The following NBAS variants were observed in gnomAD, a reference collection of about 807,000 sequenced individuals.
NBAS encodes the protein NBAS subunit of NRZ tethering complex.
NBAS carries 219 observed loss-of-function variants against 302.5 expected under a neutral mutation model. The observed-to-expected ratio is 0.72, with a 90% confidence interval of 0.65 to 0.81. The LOEUF (loss-of-function observed/expected upper bound fraction) is 0.81. Among genes scored for constraint, NBAS ranks in the 30% least tolerant of loss-of-function variants. The probability of loss-of-function intolerance (pLI) is 0.00; values close to 1 mark genes in which losing one functional copy is unlikely to be tolerated. For missense variants in NBAS, 2,932 were observed against 2,841.6 expected (o/e 1.03, Z -0.72); for synonymous variants, 1,118 against 1,021.6 (o/e 1.09, Z -1.80).
chr2:15,429,441 A>G (rs1434073005), intron 21 of NBAS, among the ~76,000 whole-genome samples: 1 of 152,214 alleles, frequency 6.6e-6, no homozygotes, highest in East Asian at 1.9e-4. Flanking sequence ...AGGTTATACA[A>G]CACACTTTGC....
the NBAS span, among the ~76,000 whole-genome samples, chr2:14,971,596 C>T: frequency 1.2e-3 from 187 of 152,250 alleles, no homozygotes; most frequent in African/African-American, 4.2e-3. Flanking sequence ...TTTCTTCCAC[C>T]ACCACCATCA....
Position 15,366,615 on chromosome 2 carries a change from T to C in NBAS, c.3782A>G (p.Lys1261Arg), listed in dbSNP as rs1214113823. ...CAGCAGCTCAGCAAGGCCCAGAAGC[T>C]TGGTGGATTGTTTATAGCATGTGGG... ...QSPTCYKQST[K>R]LLGLAELLRV... Residue 1261 changes from lysine to arginine, a missense_variant, in exon 32 of 52, where the codon AAG becomes AGG. Physicochemically the swap from Lys to Arg is conservative, Grantham distance 26. Transcript: ENST00000281513. The C allele has an allele frequency of 1.2e-6, 2 of 1,614,038 alleles. No individual in the cohort carries two copies. The highest frequency in any genetic ancestry group is 2.2e-5 in the East Asian group (1 of 44,864).
intron 2 of NBAS, among the ~76,000 whole-genome samples, chr2:15,557,266 C>CT (rs1664687739): frequency 6.6e-6 from 1 of 152,174 alleles, no homozygotes; most frequent in East Asian, 1.9e-4. Context: ...AACAAAACCT[C>CT]TAACACGCTA....
At chr2:15,440,509 A>T (rs1159679532) in intron 21 of NBAS, among the ~76,000 whole-genome samples, 2 of 152,216 alleles carry the variant, frequency 1.3e-5, no homozygotes, top group African/African-American at 2.4e-5. Context: ...ACCCATCTGT[A>T]CATCACCATC....
In NBAS at chr2:15,167,247, G is replaced by C; in HGVS notation, c.6917C>G (p.Thr2306Ser). Residue 2306 changes from threonine to serine, a missense_variant, in exon 52 of 52, where the codon ACT (threonine) becomes AGT (serine). Coordinates refer to ENST00000281513, the MANE Select transcript of NBAS (RefSeq NM_015909.4). ...GTCAACAATACGTGGATAGAAGGGA[G>C]TGGAGACACACTTCACCAGCAGCTT... ...DAKLLVKCVS[T>S]PFYPRIVDHL... is the part of the protein sequence containing the mutation. The C allele has an allele frequency of 6.2e-7, 1 of 1,614,266 alleles. No homozygotes were observed. Among genetic ancestry groups the C allele is most frequent in the Non-Finnish European group, 8.5e-7 (1 of 1,180,042 alleles).
the NBAS span, among the ~76,000 whole-genome samples, chr2:14,956,881 C>T: frequency 1.2e-3 from 190 of 152,014 alleles, 3 homozygotes; most frequent in South Asian, 5.0e-3. Flanking sequence ...GTATGCTCCC[C>T]CAAAATTCAT....
chr2:14,827,643 T>A, the NBAS span, among the ~76,000 whole-genome samples: 1 of 152,220 alleles, frequency 6.6e-6, no homozygotes, highest in African/African-American at 2.4e-5. Flanking sequence ...TCCTGTCATA[T>A]GAGACAACAT....
intron 44 of NBAS, among the ~76,000 whole-genome samples, chr2:15,258,576 A>G (rs923898519): frequency 6.6e-6 from 1 of 152,100 alleles, no homozygotes; most frequent in Admixed American, 6.5e-5. Flanking sequence ...CGCGGTTGAG[A>G]TAAGGACTGA....
intron 38 of NBAS, among the ~76,000 whole-genome samples, chr2:15,310,604 A>T (rs983114897): frequency 6.6e-6 from 1 of 152,162 alleles, no homozygotes; most frequent in African/African-American, 2.4e-5. Context: ...GCCCAAATCA[A>T]ATTTTGTACA....
At chr2:15,005,080 T>TA in the NBAS span, among the ~76,000 whole-genome samples, 1 of 152,190 alleles carries the variant, frequency 6.6e-6, no homozygotes, top group East Asian at 1.9e-4. Context: ...CTTGTGCTTA[T>TA]AAAATAAAAT....
intron 31 of NBAS, among the ~76,000 whole-genome samples, chr2:15,374,313 C>T (rs1193835658): frequency 6.6e-6 from 1 of 151,972 alleles, no homozygotes; most frequent in Non-Finnish European, 1.5e-5. Flanking sequence ...ATCCATAATC[C>T]CCAATATCTT....
chr2:15,465,385 C>T (rs11889160), intron 19 of NBAS, among the ~76,000 whole-genome samples: 86,898 of 152,030 alleles, frequency 0.57, 26,395 homozygotes, highest in Non-Finnish European at 0.68. Context: ...CATTATGTTT[C>T]CTCATCAATT....
the NBAS span, among the ~76,000 whole-genome samples, chr2:14,946,444 A>G: frequency 6.6e-6 from 1 of 152,330 alleles, no homozygotes; most frequent in Non-Finnish European, 1.5e-5. Context: ...AGAGAAAAAG[A>G]AGGTCACTAT....
chr2:15,551,264 T>C (rs1664369183), intron 6 of NBAS, among the ~76,000 whole-genome samples: 1 of 151,732 alleles, frequency 6.6e-6, no homozygotes, highest in Non-Finnish European at 1.5e-5. Context: ...ATCCCATAAC[T>C]GGCTTAGACT....
chr2:14,870,091 T>TC, the NBAS span, among the ~76,000 whole-genome samples: 3 of 152,180 alleles, frequency 2.0e-5, no homozygotes, highest in Admixed American at 6.5e-5. Context: ...TTAAGAGTGG[T>TC]CCCTGAGAGA....
chr2:15,179,228 T>C (rs1664707480), intron 50 of NBAS, 112 bp from the exon 51 acceptor site: 1 of 1,455,210 alleles, frequency 6.9e-7, no homozygotes, highest in Non-Finnish European at 9.5e-7. Context: ...TGTGTGTGTG[T>C]AAAGCCACAT....
chr2:15,230,214 C>A (rs1667323788), intron 47 of NBAS, among the ~76,000 whole-genome samples: 1 of 152,024 alleles, frequency 6.6e-6, no homozygotes, highest in African/African-American at 2.4e-5. Context: ...CATATCACTG[C>A]AAAGACCCTC....
chr2:15,247,674 C>CTA (rs1668156124), intron 44 of NBAS, among the ~76,000 whole-genome samples: 1 of 123,568 alleles, frequency 8.1e-6, no homozygotes, highest in African/African-American at 4.0e-5. Context: ...CTCTCTCTCT[C>CTA]TCTCTCTATA....
At chr2:14,997,453 G>GTT in the NBAS span, among the ~76,000 whole-genome samples, 129 of 142,032 alleles carry the variant, frequency 9.1e-4, 1 homozygote, top group African/African-American at 3.2e-3. Flanking sequence ...CCCTGTGCTT[G>GTT]TTTTTTTTTT....
Sources: gnomAD v4.1 joint callset for allele counts (sites outside exome capture counted in the v4.1 genomes callset) on GRCh38, gnomAD v4.1.1 for gene constraint, MANE v1.5 for transcripts, NCBI Gene and HGNC (gene_info 2026-07-23, HGNC 2026-07-21) for gene names.